Variants in IL1RAPL2 observed in about 807,000 individuals in gnomAD.
IL1RAPL2 encodes the protein interleukin 1 receptor accessory protein like 2.
IL1RAPL2 carries 3 observed loss-of-function variants against 44.1 expected under a neutral mutation model. That is an observed-to-expected ratio of 0.07 (90% CI 0.03 to 0.18). The LOEUF is 0.18. IL1RAPL2 is among the 10% of genes least tolerant of loss of function. The probability of loss-of-function intolerance (pLI) is 1.00; values close to 1 mark genes in which losing one functional copy is unlikely to be tolerated. For missense variants in IL1RAPL2, 391 were observed against 496.4 expected (o/e 0.79, Z 2.02); for synonymous variants, 181 against 178.8 (o/e 1.01, Z -0.10).
intron 6 of IL1RAPL2, among the ~76,000 whole-genome samples, chrX:105,538,496 TCACTC>T (rs2036696131): frequency 8.9e-6 from 1 of 111,822 alleles, no homozygotes; most frequent in Non-Finnish European, 1.9e-5. Context: ...ACTGCAATGA[TCACTC>T]CACTTCTCTG....
At chrX:105,398,910 T>C (rs777964295) in intron 5 of IL1RAPL2, among the ~76,000 whole-genome samples, 6 of 111,677 alleles carry the variant, frequency 5.4e-5, no homozygotes, top group Non-Finnish European at 9.4e-5. Flanking sequence ...CAGCGGAAAC[T>C]TAGTCCATAC....
At position 104,886,551 on chromosome X, in the gene IL1RAPL2, G is replaced by T. The variant is rs375700201; in HGVS notation, c.82+227556G>T. On this transcript the variant is annotated intron_variant, in intron 2 of 10. Transcript: ENST00000372582. ...AATTCTAGGAGTACAAAAACTAAAT[G>T]GTCAGTGGAGACTAGTGCAAGATCT... is the stretch of plus-strand genomic sequence containing the variant. Among the ~76,000 whole-genome samples the T allele has an allele frequency of 1.0e-4, 11 of 109,124 alleles. No individual in the cohort carries two copies. In the South Asian group the frequency reaches 4.4e-3, roughly 43 times the overall value. The allele number at this position is 109,124 out of a possible 115,157, so 94.8% of individuals were successfully genotyped here.
intron 2 of IL1RAPL2, among the ~76,000 whole-genome samples, chrX:104,794,294 G>T (rs1180765404): frequency 2.7e-5 from 3 of 111,957 alleles, no homozygotes; most frequent in Non-Finnish European, 5.6e-5. Flanking sequence ...CATTTAAGTG[G>T]TGCTGGAGGT....
chrX:105,714,322 T>C (rs1839227242), intron 6 of IL1RAPL2, among the ~76,000 whole-genome samples: 1 of 111,515 alleles, frequency 9.0e-6, no homozygotes, highest in Non-Finnish European at 1.9e-5. Context: ...CAGTACAAGA[T>C]TTTTCTAGCC....
At chrX:105,304,654 G>T (rs1047104906) in intron 5 of IL1RAPL2, among the ~76,000 whole-genome samples, 4 of 111,349 alleles carry the variant, frequency 3.6e-5, no homozygotes, top group African/African-American at 1.3e-4. Flanking sequence ...CAATGAAGTG[G>T]GCCAGAAGGC....
chrX:105,342,879 CT>C, intron 5 of IL1RAPL2, among the ~76,000 whole-genome samples: 1 of 111,519 alleles, frequency 9.0e-6, no homozygotes, highest in Admixed American at 9.6e-5. Flanking sequence ...TACTATATGA[CT>C]TTGGGGGATG....
chrX:105,734,527 G>T (rs764361201), intron 7 of IL1RAPL2, among the ~76,000 whole-genome samples: 31 of 111,598 alleles, frequency 2.8e-4, no homozygotes, highest in Admixed American at 9.5e-5. Context: ...GCCTCACTGG[G>T]AATACAGGTG....
chrX:104,665,811 T>C (rs1026169321), intron 2 of IL1RAPL2, among the ~76,000 whole-genome samples: 2 of 111,266 alleles, frequency 1.8e-5, no homozygotes, highest in African/African-American at 6.5e-5. Context: ...GAAATTAGAG[T>C]TTTATCCCTA....
chrX:105,707,141 T>C (rs978906575), intron 6 of IL1RAPL2, among the ~76,000 whole-genome samples: 1 of 111,795 alleles, frequency 8.9e-6, no homozygotes, highest in Non-Finnish European at 1.9e-5. Flanking sequence ...TTGAGGTTCT[T>C]TTCTCCCATT....
At chrX:105,594,195 T>G (rs1386066192) in intron 6 of IL1RAPL2, among the ~76,000 whole-genome samples, 1 of 112,229 alleles carries the variant, frequency 8.9e-6, no homozygotes, top group Admixed American at 9.5e-5. Context: ...TATCATAATT[T>G]GATAATATTC....
intron 2 of IL1RAPL2, among the ~76,000 whole-genome samples, chrX:104,943,075 G>A (rs1350644253): frequency 1.8e-5 from 2 of 111,456 alleles, no homozygotes; most frequent in East Asian, 2.8e-4. Context: ...GCTTTTTGAT[G>A]TGCTGCTGGA....
intron 2 of IL1RAPL2, among the ~76,000 whole-genome samples, chrX:104,887,714 A>G (rs1027621805): frequency 1.8e-5 from 2 of 111,875 alleles, no homozygotes; most frequent in African/African-American, 6.5e-5. Flanking sequence ...CATGACTGCC[A>G]CAAATTATAG....
intron 5 of IL1RAPL2, among the ~76,000 whole-genome samples, chrX:105,376,446 CCTTTTTCTGCTGCTGCTG>C (rs1207698428): frequency 8.9e-6 from 1 of 111,871 alleles, no homozygotes; most frequent in Non-Finnish European, 1.9e-5. Flanking sequence ...GGGGAAAATC[CCTTTTTCTGCTGCTGCTG>C]CTTTGATTGG....
At chrX:105,729,445 CAT>C (rs1239768981) in intron 7 of IL1RAPL2, among the ~76,000 whole-genome samples, 1 of 111,235 alleles carries the variant, frequency 9.0e-6, no homozygotes, top group Non-Finnish European at 1.9e-5. Context: ...TCCCTAATGA[CAT>C]ATGACATTGA....
intron 2 of IL1RAPL2, among the ~76,000 whole-genome samples, chrX:104,688,424 G>C (rs1165231959): frequency 9.0e-6 from 1 of 110,711 alleles, no homozygotes. Context: ...ATGTTTATTT[G>C]TTTAATGGCT....
intron 2 of IL1RAPL2, among the ~76,000 whole-genome samples, chrX:104,726,103 G>A (rs927864547): frequency 1.8e-5 from 2 of 111,279 alleles, no homozygotes; most frequent in Non-Finnish European, 3.8e-5. Context: ...TTTTACATAT[G>A]GCTAGCCAGT....
At chrX:105,262,412 G>A (rs1258398970) in intron 4 of IL1RAPL2, among the ~76,000 whole-genome samples, 1 of 111,715 alleles carries the variant, frequency 9.0e-6, no homozygotes, top group African/African-American at 3.3e-5. Flanking sequence ...TAACCTGAAA[G>A]CAAAGTACTA....
intron 5 of IL1RAPL2, among the ~76,000 whole-genome samples, chrX:105,372,512 A>G (rs138508409): frequency 0.017 from 1,842 of 110,598 alleles, 41 homozygotes; most frequent in African/African-American, 0.058. Flanking sequence ...TCAGGGGTAC[A>G]TGTGCAGTTT....
At chrX:105,567,304 T>A (rs370059017) in intron 6 of IL1RAPL2, among the ~76,000 whole-genome samples, 1 of 111,237 alleles carries the variant, frequency 9.0e-6, no homozygotes, top group East Asian at 2.8e-4. Context: ...GGCTGTAGAT[T>A]TATGGGGAAA....
Sources: gnomAD v4.1 joint callset for allele counts (sites outside exome capture counted in the v4.1 genomes callset) on GRCh38, gnomAD v4.1.1 for gene constraint, MANE v1.5 for transcripts, NCBI Gene and HGNC (gene_info 2026-07-23, HGNC 2026-07-21) for gene names.